The following RPTOR variants were observed in gnomAD, a reference collection of about 807,000 sequenced individuals.
RPTOR encodes regulatory-associated protein of mTOR.
A neutral mutation model predicts 169.9 loss-of-function variants in RPTOR; 21 were observed. The observed-to-expected ratio is 0.12, with a 90% confidence interval of 0.09 to 0.18. The LOEUF is 0.18. Ranked by LOEUF, RPTOR falls within the 10% of genes least tolerant of loss-of-function variation. The pLI is 1.00. For missense variants in RPTOR, 1,133 were observed against 1,855.9 expected (o/e 0.61, Z 7.16); for synonymous variants, 732 against 753.2 (o/e 0.97, Z 0.46).
chr17:80,630,297 A>G (rs970495647), intron 2 of RPTOR, among the ~76,000 whole-genome samples: 1 of 152,204 alleles, frequency 6.6e-6, no homozygotes, highest in Non-Finnish European at 1.5e-5. Context: ...GGTAAGTTGC[A>G]TAGTCTATAG....
At chr17:80,821,145 A>G (rs1468790806) in intron 7 of RPTOR, among the ~76,000 whole-genome samples, 1 of 152,272 alleles carries the variant, frequency 6.6e-6, no homozygotes, top group Non-Finnish European at 1.5e-5. Context: ...TAGGCTGGGC[A>G]TGATGGCTCA....
At chr17:80,764,166 TTTTA>T (rs1183370416) in intron 6 of RPTOR, among the ~76,000 whole-genome samples, 1 of 100,014 alleles carries the variant, frequency 1.0e-5, no homozygotes, top group African/African-American at 4.0e-5. Flanking sequence ...TTTTATTTTA[TTTTA>T]TTTTATTATT....
chr17:80,703,893 T>C (rs2066122185), intron 3 of RPTOR, among the ~76,000 whole-genome samples: 2 of 152,382 alleles, frequency 1.3e-5, no homozygotes, highest in East Asian at 3.9e-4. Context: ...GGATGTGGCC[T>C]GCTGCTTAGA....
At chr17:80,552,204 C>G (rs1262269358) in intron 1 of RPTOR, among the ~76,000 whole-genome samples, 1 of 152,164 alleles carries the variant, frequency 6.6e-6, no homozygotes, top group East Asian at 1.9e-4. Context: ...CTGTTACTTC[C>G]TTACTGGTGG....
chr17:80,857,730 C>A, intron 12 of RPTOR, 60 bp from the exon 13 acceptor site: 1 of 1,267,928 alleles, frequency 7.9e-7, no homozygotes, highest in Non-Finnish European at 1.1e-6. Flanking sequence ...CGTGGCACCC[C>A]TGCTGCTGCC....
At chr17:80,698,522 G>A (rs765572411) in intron 3 of RPTOR, among the ~76,000 whole-genome samples, 16 of 152,188 alleles carry the variant, frequency 1.1e-4, no homozygotes, top group Non-Finnish European at 2.1e-4. Flanking sequence ...GAAACAAAGC[G>A]GGAAGTGGAA....
intron 1 of RPTOR, among the ~76,000 whole-genome samples, chr17:80,570,856 C>T (rs2064897893): frequency 2.0e-5 from 3 of 152,162 alleles, no homozygotes; most frequent in Admixed American, 6.6e-5. Context: ...TTTCACTTTC[C>T]AACTTACACA....
intron 7 of RPTOR, among the ~76,000 whole-genome samples, chr17:80,818,657 T>G (rs747849597): frequency 1.3e-5 from 2 of 152,218 alleles, no homozygotes; most frequent in Non-Finnish European, 2.9e-5. Flanking sequence ...GGTTGGTTCA[T>G]CGACTTGAAT....
intron 1 of RPTOR, among the ~76,000 whole-genome samples, chr17:80,570,788 G>T (rs577126674): frequency 6.6e-6 from 1 of 152,272 alleles, no homozygotes; most frequent in South Asian, 2.1e-4. Context: ...CAGTGAATAA[G>T]TTGTTATGTA....
intron 13 of RPTOR, among the ~76,000 whole-genome samples, chr17:80,876,852 G>A (rs1188570025): frequency 1.4e-5 from 2 of 138,092 alleles, no homozygotes; most frequent in Non-Finnish European, 3.1e-5. Context: ...GTGCCACACA[G>A]GGTGTGTGTG....
chr17:80,771,265 G>A (rs749274291), intron 6 of RPTOR, among the ~76,000 whole-genome samples: 5 of 152,190 alleles, frequency 3.3e-5, no homozygotes, highest in Non-Finnish European at 5.9e-5. Flanking sequence ...GTGAGAAACT[G>A]CAGCTCATCC....
chr17:80,894,406 G>A (rs748001320), intron 20 of RPTOR, among the ~76,000 whole-genome samples: 5 of 152,156 alleles, frequency 3.3e-5, no homozygotes, highest in Admixed American at 1.3e-4. Context: ...GCTCACCTGC[G>A]GAATCTCCAC....
intron 3 of RPTOR, among the ~76,000 whole-genome samples, chr17:80,670,433 T>G (rs767363731): frequency 7.9e-5 from 12 of 152,224 alleles, no homozygotes; most frequent in Non-Finnish European, 1.8e-4. Flanking sequence ...TTAAGCCTTT[T>G]AACCATCCGG....
intron 6 of RPTOR, among the ~76,000 whole-genome samples, chr17:80,756,109 C>A (rs1158880443): frequency 6.6e-6 from 1 of 152,244 alleles, no homozygotes; most frequent in East Asian, 1.9e-4. Flanking sequence ...CCCCACGCAA[C>A]AGTGTTGGGA....
At chr17:80,930,840 G>A (rs2068888994) in intron 24 of RPTOR, among the ~76,000 whole-genome samples, 1 of 152,208 alleles carries the variant, frequency 6.6e-6, no homozygotes. Context: ...CACAGCTGGG[G>A]CAGGGACCGT....
chr17:80,694,588 G>T (rs1021970646), intron 3 of RPTOR, among the ~76,000 whole-genome samples: 1 of 152,338 alleles, frequency 6.6e-6, no homozygotes, highest in East Asian at 1.9e-4. Context: ...CAGGTTCCCA[G>T]TTCTCTGCCT....
chr17:80,868,172 C>G (rs148078107), intron 13 of RPTOR, among the ~76,000 whole-genome samples: 1 of 152,252 alleles, frequency 6.6e-6, no homozygotes, highest in East Asian at 1.9e-4. Context: ...AAAATATTGA[C>G]AAATCGTTTT....
intron 3 of RPTOR, among the ~76,000 whole-genome samples, chr17:80,696,254 A>C (rs2066035438): frequency 6.6e-6 from 1 of 152,236 alleles, no homozygotes; most frequent in African/African-American, 2.4e-5. Flanking sequence ...TAGCATCAGG[A>C]AAAGATTACA....
At chr17:80,908,984 A>G in intron 21 of RPTOR, 55 bp downstream of exon 21, 1 of 1,275,610 alleles carries the variant, frequency 7.8e-7, no homozygotes, top group Non-Finnish European at 1.1e-6. Context: ...GGTTACGAGT[A>G]TGCATGCCAG....
Sources: allele counts gnomAD v4.1 joint callset (sites outside exome capture counted in the v4.1 genomes callset), GRCh38; gene constraint gnomAD v4.1.1; transcripts MANE v1.5; gene names NCBI Gene and HGNC (gene_info 2026-07-23, HGNC 2026-07-21).